Variants in ANKS1B observed in about 807,000 individuals in gnomAD.
ANKS1B encodes the protein ankyrin repeat and sterile alpha motif domain-containing protein 1B.
A neutral mutation model predicts 148.3 loss-of-function variants in ANKS1B; 36 were observed. The ratio of observed to expected loss-of-function variants is 0.24; its 90% confidence interval spans 0.19 to 0.32. ANKS1B has a LOEUF of 0.32. Among genes scored for constraint, ANKS1B ranks in the 10% least tolerant of loss-of-function variants. The probability of loss-of-function intolerance (pLI) is 1.00; values close to 1 mark genes in which losing one functional copy is unlikely to be tolerated. For missense variants in ANKS1B, 1,157 were observed against 1,542.6 expected (o/e 0.75, Z 4.19); for synonymous variants, 542 against 560.8 (o/e 0.97, Z 0.47).
At chr12:99,890,551 CTT>C (rs1299923957) in intron 1 of ANKS1B, among the ~76,000 whole-genome samples, 3 of 149,788 alleles carry the variant, frequency 2.0e-5, no homozygotes, top group African/African-American at 7.4e-5. Flanking sequence ...AAATAAGTCT[CTT>C]TCTCACTCGC....
chr12:99,312,570 C>T lies in ANKS1B; in HGVS notation c.1757-65706G>A, dbSNP rs80006833. On this transcript the variant is annotated intron_variant, in intron 12 of 26. Transcript: ENST00000683438. ...AAGTATATATTCCTAAAACCTGTGC[C>T]AAGCAGCTTTCCTATCTTGTATTAG... Among the ~76,000 whole-genome samples the T allele has an allele frequency of 3.5e-3, 527 of 152,154 alleles. 33 individuals carry two copies. In the East Asian group the frequency reaches 0.084, roughly 24 times the overall value.
At chr12:99,218,193 T>A (rs1566658281) in intron 14 of ANKS1B, among the ~76,000 whole-genome samples, 5 of 152,172 alleles carry the variant, frequency 3.3e-5, no homozygotes, top group Admixed American at 2.6e-4. Context: ...GCTTTTTGAA[T>A]TTAAAAAAAG....
chr12:99,535,588 CTTTA>C (rs2097057394), intron 9 of ANKS1B, among the ~76,000 whole-genome samples: 1 of 150,830 alleles, frequency 6.6e-6, no homozygotes, highest in East Asian at 1.9e-4. Flanking sequence ...ATTTCACCTT[CTTTA>C]TTTCATTTTC....
intron 11 of ANKS1B, among the ~76,000 whole-genome samples, chr12:99,417,957 C>T (rs1044385877): frequency 6.6e-6 from 1 of 152,096 alleles, no homozygotes. Flanking sequence ...AAACAAATTG[C>T]CAACCAAGAA....
intron 12 of ANKS1B, among the ~76,000 whole-genome samples, chr12:99,375,821 C>T (rs913944342): frequency 2.0e-5 from 3 of 152,050 alleles, no homozygotes; most frequent in Non-Finnish European, 1.5e-5. Flanking sequence ...CTAACACAGA[C>T]GAGATCAAAC....
At chr12:99,453,194 C>G (rs561657200) in intron 10 of ANKS1B, among the ~76,000 whole-genome samples, 7 of 151,932 alleles carry the variant, frequency 4.6e-5, no homozygotes, top group East Asian at 1.9e-4. Context: ...GGAGGCTGAG[C>G]CAGGAGAATG....
In ANKS1B at chr12:99,504,516, A is replaced by G. The variant is rs1486453593; in HGVS notation, c.1398T>C (p.Pro466=). The change falls in exon 10 of 27, where the codon CCT becomes CCC. Residue 466 remains proline (P), a synonymous_variant. Coordinates refer to ENST00000683438, the MANE Select transcript of ANKS1B (RefSeq NM_001352186.2). ...GTGCCCTTGCAATTTCTAAGGAGCA[A>G]GGTTTCTTTGTAACAGCTGTGTCCA... ...DLMDTAVTKK[P]CSLEIARAPS... The G allele has an allele frequency of 6.2e-7, 1 of 1,612,534 alleles. No homozygotes were observed. The highest frequency in any genetic ancestry group is 2.2e-5 in the East Asian group (1 of 44,830).
intron 24 of ANKS1B, among the ~76,000 whole-genome samples, chr12:98,777,971 T>TTA (rs1177047609): frequency 1.3e-5 from 2 of 152,086 alleles, no homozygotes; most frequent in Non-Finnish European, 2.9e-5. Flanking sequence ...AGAAAAAGCA[T>TTA]TAGGTTAGGG....
intron 10 of ANKS1B, among the ~76,000 whole-genome samples, chr12:99,475,140 AG>A (rs1422834144): frequency 1.3e-5 from 2 of 151,550 alleles, no homozygotes; most frequent in African/African-American, 4.8e-5. Flanking sequence ...GCTACTTGGG[AG>A]GCTGAGGCAG....
At chr12:99,684,368 CAAAA>C (rs572669891) in intron 8 of ANKS1B, among the ~76,000 whole-genome samples, 1 of 82,532 alleles carries the variant, frequency 1.2e-5, no homozygotes, top group Non-Finnish European at 2.7e-5. Context: ...ACAACAGCTG[CAAAA>C]AAAAAAAAAA....
At chr12:99,660,197 A>G (rs1260118242) in intron 8 of ANKS1B, among the ~76,000 whole-genome samples, 2 of 152,214 alleles carry the variant, frequency 1.3e-5, no homozygotes, top group East Asian at 1.9e-4. Context: ...AAAATTATAC[A>G]TGAAAGAGTG....
chr12:99,446,447 C>G (rs2095639348), intron 10 of ANKS1B, among the ~76,000 whole-genome samples: 2 of 152,006 alleles, frequency 1.3e-5, no homozygotes, highest in South Asian at 4.1e-4. Flanking sequence ...AATTATTTTA[C>G]TTATTGAATC....
At chr12:99,021,617 A>C (rs1390067258) in intron 17 of ANKS1B, among the ~76,000 whole-genome samples, 4 of 152,196 alleles carry the variant, frequency 2.6e-5, no homozygotes, top group Non-Finnish European at 5.9e-5. Flanking sequence ...CACCTTGGGA[A>C]AGAACTTTGA....
At chr12:99,103,933 T>C (rs1250063828) in intron 15 of ANKS1B, among the ~76,000 whole-genome samples, 1 of 152,168 alleles carries the variant, frequency 6.6e-6, no homozygotes, top group Admixed American at 6.5e-5. Context: ...ATTAGAGATA[T>C]ATAAAGATAA....
chr12:99,952,637 T>TACAAGA (rs2095247755), intron 1 of ANKS1B, among the ~76,000 whole-genome samples: 1 of 152,202 alleles, frequency 6.6e-6, no homozygotes, highest in African/African-American at 2.4e-5. Context: ...TAAAGGCTCT[T>TACAAGA]GTACTTTCAA....
chr12:98,902,829 T>C (rs1041705673), intron 17 of ANKS1B, among the ~76,000 whole-genome samples: 5 of 152,200 alleles, frequency 3.3e-5, no homozygotes, highest in African/African-American at 7.2e-5. Flanking sequence ...TACAAATTCA[T>C]AAGCATTCAG....
chr12:98,963,352 A>AT (rs892859259), intron 17 of ANKS1B, among the ~76,000 whole-genome samples: 7 of 151,834 alleles, frequency 4.6e-5, no homozygotes, highest in Non-Finnish European at 8.8e-5. Context: ...TAATTTTTGT[A>AT]TTTTTTGTAG....
At chr12:98,992,801 T>G (rs1214356087) in intron 17 of ANKS1B, among the ~76,000 whole-genome samples, 1 of 152,202 alleles carries the variant, frequency 6.6e-6, no homozygotes, top group African/African-American at 2.4e-5. Flanking sequence ...TTTCCTTACC[T>G]GAAATTATCT....
intron 14 of ANKS1B, among the ~76,000 whole-genome samples, chr12:99,197,922 C>T (rs1601606364): frequency 6.6e-6 from 1 of 152,240 alleles, no homozygotes; most frequent in East Asian, 1.9e-4. Flanking sequence ...AAGAATTATA[C>T]AGGCCATTCT....
Sources: gnomAD v4.1 joint callset for allele counts (sites outside exome capture counted in the v4.1 genomes callset) on GRCh38, gnomAD v4.1.1 for gene constraint, MANE v1.5 for transcripts, NCBI Gene and HGNC (gene_info 2026-07-23, HGNC 2026-07-21) for gene names.